The following PBX1 variants were observed in gnomAD, a reference collection of about 807,000 sequenced individuals.
PBX1 encodes PBX homeobox 1, also known as pre-B-cell leukemia transcription factor 1.
PBX1 carries 6 observed loss-of-function variants against 53.4 expected under a neutral mutation model. The observed-to-expected ratio is 0.11, with a 90% CI of 0.06 to 0.22. The LOEUF is 0.22. Among genes scored for constraint, PBX1 ranks in the 10% least tolerant of loss-of-function variants. The pLI is 1.00. For missense variants in PBX1, 251 were observed against 551.4 expected (o/e 0.46, Z 5.46); for synonymous variants, 204 against 212.3 (o/e 0.96, Z 0.34).
intron 2 of PBX1, chr1:164,605,512 C>G (rs1024832939): frequency 6.6e-6 from 1 of 152,204 alleles, no homozygotes; most frequent in Non-Finnish European, 1.5e-5. Flanking sequence ...GGCCTTGGGT[C>G]TCTCCAGTTT....
chr1:164,785,660 A>G (rs992325808), intron 2 of PBX1, among the ~76,000 whole-genome samples: 5 of 152,200 alleles, frequency 3.3e-5, no homozygotes, highest in African/African-American at 7.2e-5. Context: ...GTCGGAGCCC[A>G]TATCTGGGTC....
chr1:164,859,783 A>G (rs958413504), intron 2 of PBX1, among the ~76,000 whole-genome samples: 2 of 152,176 alleles, frequency 1.3e-5, no homozygotes, highest in Admixed American at 6.5e-5. Context: ...TTCTGCTAGC[A>G]CTGCCACTGG....
chr1:164,795,759 T>C (rs1668753505), intron 3 of PBX1, among the ~76,000 whole-genome samples: 1 of 152,170 alleles, frequency 6.6e-6, no homozygotes, highest in South Asian at 2.1e-4. Context: ...CAGTTCCTTA[T>C]GGGGATTTTT....
intron 2 of PBX1, among the ~76,000 whole-genome samples, chr1:164,634,210 T>C (rs1658594992): frequency 3.9e-5 from 6 of 152,178 alleles, no homozygotes; most frequent in Admixed American, 3.9e-4. Context: ...AAGCCTGTAA[T>C]TGTGGGGTTT....
intron 2 of PBX1, among the ~76,000 whole-genome samples, chr1:164,713,007 G>C (rs929452579): frequency 1.4e-4 from 21 of 152,186 alleles, no homozygotes; most frequent in Admixed American, 1.1e-3. Flanking sequence ...CCAGATGATG[G>C]GTTAGGCTAC....
chr1:164,755,866 G>A (rs1174116120), intron 2 of PBX1, among the ~76,000 whole-genome samples: 2 of 152,020 alleles, frequency 1.3e-5, no homozygotes, highest in Non-Finnish European at 2.9e-5. Flanking sequence ...CTCCTGATAA[G>A]CTGCCAACAT....
intron 2 of PBX1, among the ~76,000 whole-genome samples, chr1:164,565,422 G>GACACACAC (rs36118857): frequency 0.12 from 16,979 of 145,858 alleles, 1,234 homozygotes; most frequent in East Asian, 0.38. Context: ...TGTGTTAAGG[G>GACACACAC]ACACACACAC....
intron 2 of PBX1, among the ~76,000 whole-genome samples, chr1:164,587,082 T>G (rs1654999319): frequency 6.6e-6 from 1 of 152,104 alleles, no homozygotes; most frequent in South Asian, 2.1e-4. Flanking sequence ...CATAGGGTGT[T>G]GTTTGTGTGT....
At chr1:164,667,594 A>G (rs2101964045) in intron 2 of PBX1, among the ~76,000 whole-genome samples, 1 of 152,328 alleles carries the variant, frequency 6.6e-6, no homozygotes, top group South Asian at 2.1e-4. Context: ...GACCCCTGTC[A>G]TAATTTAAAT....
intron 2 of PBX1, among the ~76,000 whole-genome samples, chr1:164,741,160 GCTCAAGGATATAA>G (rs919983299): frequency 6.6e-6 from 1 of 152,182 alleles, no homozygotes; most frequent in African/African-American, 2.4e-5. Context: ...CAAAGAAGTT[GCTCAAGGATATAA>G]CTCGAGGATA....
intron 2 of PBX1, among the ~76,000 whole-genome samples, chr1:164,744,479 A>C (rs1327219246): frequency 2.6e-5 from 4 of 152,200 alleles, no homozygotes; most frequent in African/African-American, 9.6e-5. Flanking sequence ...ACATTTTTGT[A>C]GCCTCCATAG....
intron 2 of PBX1, among the ~76,000 whole-genome samples, chr1:164,651,278 T>C (rs911520957): frequency 6.6e-6 from 1 of 152,060 alleles, no homozygotes. Context: ...TGGTGGAGGC[T>C]GTGCAGAGGC....
At chr1:164,797,702 A>G (rs1668856899) in intron 3 of PBX1, among the ~76,000 whole-genome samples, 1 of 152,186 alleles carries the variant, frequency 6.6e-6, no homozygotes, top group Non-Finnish European at 1.5e-5. Flanking sequence ...ATATCCAAAT[A>G]TGCTGGGATT....
intron 2 of PBX1, among the ~76,000 whole-genome samples, chr1:164,729,733 T>A (rs1342104493): frequency 1.3e-5 from 2 of 152,196 alleles, no homozygotes; most frequent in African/African-American, 4.8e-5. Context: ...TTAATCAACC[T>A]AGGCAGGCAG....
At chr1:164,622,600 T>C (rs1657755026) in intron 2 of PBX1, among the ~76,000 whole-genome samples, 1 of 152,170 alleles carries the variant, frequency 6.6e-6, no homozygotes, top group Admixed American at 6.6e-5. Context: ...CTTTGAATTC[T>C]CTACCCATCA....
intron 2 of PBX1, among the ~76,000 whole-genome samples, chr1:164,589,570 T>C (rs1655215290): frequency 6.6e-6 from 1 of 152,166 alleles, no homozygotes; most frequent in Non-Finnish European, 1.5e-5. Context: ...GATCCCCTGG[T>C]GCCCTGGAAA....
intron 2 of PBX1, among the ~76,000 whole-genome samples, chr1:164,777,912 CCTT>C (rs1667747921): frequency 1.3e-5 from 2 of 152,330 alleles, no homozygotes; most frequent in South Asian, 4.1e-4. Flanking sequence ...GACTCCATAA[CCTT>C]CTGGTTTTTT....
downstream of PBX1, among the ~76,000 whole-genome samples, chr1:164,854,945 C>CTTTTT (rs539213655): frequency 6.0e-5 from 7 of 116,364 alleles, no homozygotes; most frequent in Non-Finnish European, 1.2e-4. Flanking sequence ...CTCTCTCTCT[C>CTTTTT]TTTTTTTTTT....
Position 164,687,842 on chromosome 1 carries a change from G to A in PBX1, c.266-104652G>A, listed in dbSNP as rs117827542. ...CTTATATATGCAGAAACTGGACTTA[G>A]CACTCACTTAAAGAAGAAATAACTT... On this transcript the variant is annotated intron_variant, in intron 2 of 8. Transcript: ENST00000420696. Among the ~76,000 whole-genome samples, 32 of 152,334 alleles carry A rather than the reference G, an allele frequency of 2.1e-4. No individual in the cohort carries two copies. The East Asian group carries it at 4.8e-3, about 23-fold the overall frequency.
Sources: gnomAD v4.1 joint callset for allele counts (sites outside exome capture counted in the v4.1 genomes callset) on GRCh38, gnomAD v4.1.1 for gene constraint, MANE v1.5 for transcripts, NCBI Gene and HGNC (gene_info 2026-07-23, HGNC 2026-07-21) for gene names.